The following KCNN2 variants were observed in gnomAD, a reference collection of about 807,000 sequenced individuals.
KCNN2 encodes the protein potassium calcium-activated channel subfamily N member 2, also known as small conductance calcium-activated potassium channel protein 2.
Under a neutral mutation model 55.5 loss-of-function variants are expected in KCNN2, and 24 were observed. The ratio of observed to expected loss-of-function variants is 0.43; its 90% CI spans 0.31 to 0.61. The LOEUF (loss-of-function observed/expected upper bound fraction) is 0.61, where lower values mean the gene tolerates loss of function less well. KCNN2 is among the 20% of genes least tolerant of loss of function. The probability of loss-of-function intolerance (pLI) is 0.08; values close to 1 mark genes in which losing one functional copy is unlikely to be tolerated. For missense variants in KCNN2, 754 were observed against 853.6 expected (o/e 0.88, Z 1.45); for synonymous variants, 431 against 336.1 (o/e 1.28, Z -3.09).
At chr5:114,354,146 T>A (rs947846123) in intron 2 of KCNN2, among the ~76,000 whole-genome samples, 1 of 152,026 alleles carries the variant, frequency 6.6e-6, no homozygotes, top group Admixed American at 6.6e-5. Flanking sequence ...TTGCATAATC[T>A]TCATCAGTGT....
At chr5:114,112,020 C>A (rs1751608823) in intron 1 of KCNN2, among the ~76,000 whole-genome samples, 1 of 152,168 alleles carries the variant, frequency 6.6e-6, no homozygotes, top group African/African-American at 2.4e-5. Context: ...TATAAAGACA[C>A]ATGTGCATGT....
chr5:114,082,752 T>C (rs1044774432), intron 1 of KCNN2, among the ~76,000 whole-genome samples: 11 of 152,192 alleles, frequency 7.2e-5, no homozygotes, highest in African/African-American at 2.2e-4. Flanking sequence ...AATTCTGATA[T>C]ATGCTATAGC....
chr5:114,123,950 T>G (rs935024434), intron 1 of KCNN2, among the ~76,000 whole-genome samples: 1 of 152,252 alleles, frequency 6.6e-6, no homozygotes, highest in Non-Finnish European at 1.5e-5. Flanking sequence ...TCAACTTGTC[T>G]GACCCTTACT....
In KCNN2 at chr5:114,276,651, C is replaced by T. The variant is rs567687209; in HGVS notation, c.-185+55086C>T. On this transcript the variant is annotated intron_variant, in intron 2 of 10. Transcript: ENST00000512097. ...GTTTTATCAGAGACCAGTATTGCAA[C>T]CCCTGCATTTTTTTTTTTTTTGCTT... is the stretch of plus-strand genomic sequence containing the variant. Among the ~76,000 whole-genome samples, 23 of 108,476 alleles carry T rather than the reference C, an allele frequency of 2.1e-4. No homozygotes were observed. In the South Asian group the frequency reaches 6.1e-3, roughly 29 times the overall value. The allele number at this position is 108,476 out of a possible 152,430, so 71.2% of individuals were successfully genotyped here. A position where few individuals can be genotyped will look rare whatever the true frequency, so the allele number is the denominator to read the frequency against.
intron 2 of KCNN2, among the ~76,000 whole-genome samples, chr5:114,298,779 G>A (rs1756088246): frequency 6.6e-6 from 1 of 152,104 alleles, no homozygotes; most frequent in African/African-American, 2.4e-5. Context: ...AAACAAAAAT[G>A]TAAACTAACA....
intron 1 of KCNN2, among the ~76,000 whole-genome samples, chr5:114,177,277 A>G (rs1042279204): frequency 5.3e-5 from 8 of 151,904 alleles, no homozygotes; most frequent in Admixed American, 5.3e-4. Context: ...AGCTGGGACT[A>G]CAGGAGCCCG....
At chr5:114,272,388 T>C (rs201307269) in intron 2 of KCNN2, among the ~76,000 whole-genome samples, 31 of 48,386 alleles carry the variant, frequency 6.4e-4, no homozygotes, top group East Asian at 2.2e-3. Context: ...TGTACATATA[T>C]ACACACATAT....
chr5:114,080,911 T>C (rs565796897), intron 1 of KCNN2, among the ~76,000 whole-genome samples: 1 of 152,264 alleles, frequency 6.6e-6, no homozygotes, highest in Admixed American at 6.5e-5. Context: ...AGAGATGGTA[T>C]GATCTTATAC....
intron 2 of KCNN2, among the ~76,000 whole-genome samples, chr5:114,319,038 G>A (rs609584): frequency 0.34 from 52,405 of 151,912 alleles, 10,121 homozygotes; most frequent in African/African-American, 0.51. Context: ...TGCCCCCAAC[G>A]TACACAGACC....
At chr5:114,354,336 A>G (rs1457763) in intron 2 of KCNN2, among the ~76,000 whole-genome samples, 6,405 of 152,024 alleles carry the variant, frequency 0.042, 466 homozygotes, top group African/African-American at 0.15. Flanking sequence ...ACCATTCTTT[A>G]TAGTTCAGAG....
chr5:114,126,184 A>G (rs1251148917), intron 1 of KCNN2, among the ~76,000 whole-genome samples: 2 of 152,150 alleles, frequency 1.3e-5, no homozygotes, highest in Non-Finnish European at 2.9e-5. Flanking sequence ...ATTAGGTCCC[A>G]TCCTAATGAA....
intron 2 of KCNN2, among the ~76,000 whole-genome samples, chr5:114,238,938 T>C (rs150515714): frequency 6.6e-6 from 1 of 152,334 alleles, no homozygotes; most frequent in Non-Finnish European, 1.5e-5. Context: ...TGATAATGTC[T>C]TTATCATCTA....
At chr5:114,086,145 AC>A (rs1363998213) in intron 1 of KCNN2, among the ~76,000 whole-genome samples, 1 of 151,426 alleles carries the variant, frequency 6.6e-6, no homozygotes, top group Non-Finnish European at 1.5e-5. Context: ...TTATTTTTTA[AC>A]CTTTTGCTAT....
chr5:114,296,433 T>A (rs1400998265), intron 2 of KCNN2, among the ~76,000 whole-genome samples: 3 of 152,248 alleles, frequency 2.0e-5, no homozygotes, highest in Non-Finnish European at 4.4e-5. Flanking sequence ...GGATAAACCC[T>A]TAGGCATTTT....
chr5:114,424,497 A>T (rs545450792), intron 3 of KCNN2, among the ~76,000 whole-genome samples: 6 of 152,354 alleles, frequency 3.9e-5, no homozygotes, highest in Non-Finnish European at 7.3e-5. Flanking sequence ...CCTACATCTT[A>T]TGCCTTCAGA....
At chr5:114,257,897 G>A (rs1482885719) in intron 2 of KCNN2, among the ~76,000 whole-genome samples, 3 of 152,156 alleles carry the variant, frequency 2.0e-5, no homozygotes, top group Non-Finnish European at 2.9e-5. Flanking sequence ...GGAGTGGTGA[G>A]TGTGGGATCC....
At chr5:114,480,225 T>G (rs1432811365) in intron 5 of KCNN2, among the ~76,000 whole-genome samples, 1 of 152,044 alleles carries the variant, frequency 6.6e-6, no homozygotes, top group Non-Finnish European at 1.5e-5. Flanking sequence ...AGAATGCTAT[T>G]AAACACCTCT....
At chr5:114,070,825 T>C (rs907724760) in intron 1 of KCNN2, among the ~76,000 whole-genome samples, 3 of 152,244 alleles carry the variant, frequency 2.0e-5, no homozygotes, top group African/African-American at 7.2e-5. Flanking sequence ...CTCTCTAAAC[T>C]TCAGTGTATT....
chr5:114,393,743 T>A (rs989973701), intron 2 of KCNN2, among the ~76,000 whole-genome samples: 3 of 151,822 alleles, frequency 2.0e-5, no homozygotes, highest in Non-Finnish European at 4.4e-5. Context: ...CATCTCCCCT[T>A]TAACAAATCT....
Sources: allele counts gnomAD v4.1 joint callset (sites outside exome capture counted in the v4.1 genomes callset), GRCh38; gene constraint gnomAD v4.1.1; transcripts MANE v1.5; gene names NCBI Gene and HGNC (gene_info 2026-07-23, HGNC 2026-07-21).